The following DLC1 variants were observed in gnomAD, a reference collection of about 807,000 sequenced individuals.
DLC1 encodes the protein DLC1 Rho GTPase activating protein.
DLC1 carries 54 observed loss-of-function variants against 140.3 expected under a neutral mutation model. The observed-to-expected ratio is 0.38, with a 90% CI of 0.31 to 0.48. The LOEUF is 0.48. Ranked by LOEUF, DLC1 falls within the 20% of genes least tolerant of loss-of-function variation. The pLI, the probability that DLC1 is intolerant of heterozygous loss-of-function variation, is 0.96. For synonymous variants in DLC1, 986 were observed against 728.1 expected, an observed-to-expected ratio of 1.35 and a Z score of -5.70; for missense variants, 2,536 against 1,907.0, an observed-to-expected ratio of 1.33 and a Z score of -6.14.
chr8:13,172,071 G>C (rs1250770553), intron 5 of DLC1, among the ~76,000 whole-genome samples: 1 of 152,140 alleles, frequency 6.6e-6, no homozygotes, highest in Non-Finnish European at 1.5e-5. Flanking sequence ...AGCAATAATT[G>C]TGCTTCATCT....
chr8:13,118,014 T>C (rs971177675), intron 5 of DLC1, among the ~76,000 whole-genome samples: 3 of 147,684 alleles, frequency 2.0e-5, no homozygotes, highest in African/African-American at 7.5e-5. Context: ...CTTTTTTTTT[T>C]TTTTTTTTTT....
At chr8:13,090,605 G>T in intron 14 of DLC1, 135 bp from the exon 15 acceptor site, 1 of 946,918 alleles carries the variant, frequency 1.1e-6, no homozygotes, top group Non-Finnish European at 1.6e-6. Context: ...CCGGAGGTGG[G>T]CTATCATGCT....
intron 2 of DLC1, among the ~76,000 whole-genome samples, chr8:13,446,185 A>T (rs985596461): frequency 3.3e-5 from 5 of 152,128 alleles, no homozygotes; most frequent in African/African-American, 1.2e-4. Flanking sequence ...AAAACAAAGA[A>T]CTTTTGACTT....
chr8:13,365,378 T>A (rs564879412), intron 4 of DLC1, among the ~76,000 whole-genome samples: 32 of 152,142 alleles, frequency 2.1e-4, no homozygotes, highest in Non-Finnish European at 4.6e-4. Context: ...ACAGCTCCCC[T>A]CCCTTGAAGG....
chr8:13,296,415 G>A (rs766992401), intron 5 of DLC1, among the ~76,000 whole-genome samples: 2 of 152,150 alleles, frequency 1.3e-5, no homozygotes, highest in African/African-American at 4.8e-5. Context: ...GAAATGCAAA[G>A]CTGTCTTATT....
intron 4 of DLC1, among the ~76,000 whole-genome samples, chr8:13,383,902 A>C (rs67744408): frequency 0.13 from 19,887 of 152,244 alleles, 1,471 homozygotes; most frequent in Non-Finnish European, 0.17. Flanking sequence ...CTGCAGCCTC[A>C]CGAAAGACCC....
At chr8:13,389,422 T>C (rs73665109) in intron 4 of DLC1, among the ~76,000 whole-genome samples, 3,467 of 152,026 alleles carry the variant, frequency 0.023, 122 homozygotes, top group African/African-American at 0.078. Flanking sequence ...TATGGAAGAG[T>C]CTAGTACGAA....
At chr8:13,172,026 C>T (rs1340331125) in intron 5 of DLC1, among the ~76,000 whole-genome samples, 2 of 152,152 alleles carry the variant, frequency 1.3e-5, no homozygotes, top group Non-Finnish European at 2.9e-5. Flanking sequence ...GCCATCACTA[C>T]CATTAAAAAG....
intron 5 of DLC1, among the ~76,000 whole-genome samples, chr8:13,221,718 G>GTA: frequency 9.3e-6 from 1 of 107,172 alleles, no homozygotes; most frequent in South Asian, 3.0e-4. Flanking sequence ...GTATATGTGT[G>GTA]TGTGTGTGTA....
At chr8:13,304,933 C>G in intron 5 of DLC1, 1 of 1,011,464 alleles carries the variant, frequency 9.9e-7, no homozygotes, top group Non-Finnish European at 1.2e-6. Context: ...AAAAATAAAC[C>G]TTGGTAATTA....
intron 3 of DLC1, among the ~76,000 whole-genome samples, chr8:13,398,405 G>T (rs534556440): frequency 1.1e-4 from 17 of 152,162 alleles, no homozygotes; most frequent in African/African-American, 3.9e-4. Flanking sequence ...GACTGCACTG[G>T]CACTGCTGGA....
At chr8:13,467,453 C>CTTTTTTT (rs10671511) in intron 2 of DLC1, among the ~76,000 whole-genome samples, 1 of 149,532 alleles carries the variant, frequency 6.7e-6, no homozygotes. Context: ...TCTTATATTC[C>CTTTTTTT]TTTTTTTTTC....
At chr8:13,303,298 T>C (rs1183457634) in intron 5 of DLC1, among the ~76,000 whole-genome samples, 1 of 152,130 alleles carries the variant, frequency 6.6e-6, no homozygotes, top group Non-Finnish European at 1.5e-5. Context: ...CCTGTGGAGA[T>C]CACATATGTC....
chr8:13,167,194 G>T (rs1234299221), intron 5 of DLC1, among the ~76,000 whole-genome samples: 1 of 152,128 alleles, frequency 6.6e-6, no homozygotes, highest in East Asian at 1.9e-4. Context: ...TCAGAAAATG[G>T]TTACAAAGGG....
chr8:13,572,551 C>T (rs1392566051), intron 1 of DLC1, among the ~76,000 whole-genome samples: 3 of 152,124 alleles, frequency 2.0e-5, no homozygotes, highest in Non-Finnish European at 2.9e-5. Context: ...TGTAAGAAAT[C>T]ATCACCAAAT....
chr8:13,148,096 G>C (rs1823563435), intron 5 of DLC1, among the ~76,000 whole-genome samples: 2 of 151,832 alleles, frequency 1.3e-5, no homozygotes, highest in African/African-American at 4.8e-5. Context: ...GCTGTGTGTT[G>C]CATGTGTGTG....
chr8:13,219,253 A>G (rs1285250343), intron 5 of DLC1, among the ~76,000 whole-genome samples: 2 of 137,542 alleles, frequency 1.5e-5, no homozygotes, highest in African/African-American at 5.3e-5. Context: ...ATTCTTGAAT[A>G]TGAATATAAC....
intron 2 of DLC1, among the ~76,000 whole-genome samples, chr8:13,408,351 AT>A (rs1837654208): frequency 6.6e-6 from 1 of 152,206 alleles, no homozygotes; most frequent in Admixed American, 6.6e-5. Context: ...ATGGCTTTAT[AT>A]TATCTGTTTA....
chr8:13,541,303 T>A (rs912458952), intron 1 of DLC1, among the ~76,000 whole-genome samples: 1 of 152,144 alleles, frequency 6.6e-6, no homozygotes, highest in African/African-American at 2.4e-5. Context: ...TTTCTTTCTC[T>A]TAAGTAAATA....
Sources: allele counts gnomAD v4.1 joint callset (sites outside exome capture counted in the v4.1 genomes callset), GRCh38; gene constraint gnomAD v4.1.1; transcripts MANE v1.5; gene names NCBI Gene and HGNC (gene_info 2026-07-23, HGNC 2026-07-21).